The following RFX3 variants were observed in gnomAD, a reference collection of about 807,000 sequenced individuals.
RFX3 encodes transcription factor RFX3.
In RFX3, 14 loss-of-function variants were observed where a neutral mutation model predicts 98.6. The ratio of observed to expected loss-of-function variants is 0.14; its 90% CI spans 0.09 to 0.22. The LOEUF (loss-of-function observed/expected upper bound fraction) is 0.22, where lower values mean the gene tolerates loss of function less well. Among genes scored for constraint, RFX3 ranks in the 10% least tolerant of loss-of-function variants. The pLI is 1.00. For synonymous variants in RFX3, 383 were observed against 328.4 expected, an observed-to-expected ratio of 1.17 and a Z score of -1.80; for missense variants, 639 against 926.9, an observed-to-expected ratio of 0.69 and a Z score of 4.03.
intron 2 of RFX3, among the ~76,000 whole-genome samples, chr9:3,361,405 G>A (rs1032611419): frequency 1.3e-5 from 2 of 151,992 alleles, no homozygotes; most frequent in African/African-American, 2.4e-5. Flanking sequence ...TAGAAGGGAA[G>A]ACACAAGAAA....
chr9:3,295,344 G>C (rs1025952833), intron 5 of RFX3, among the ~76,000 whole-genome samples: 1 of 152,056 alleles, frequency 6.6e-6, no homozygotes, highest in Non-Finnish European at 1.5e-5. Flanking sequence ...GGAAGCACTT[G>C]AGTGATGTTA....
In RFX3 at chr9:3,225,161, C is replaced by G; in HGVS notation, c.2131G>C (p.Val711Leu). 1 of 1,613,968 alleles carries G rather than the reference C, an allele frequency of 6.2e-7. No homozygotes were observed. Among genetic ancestry groups the G allele is most frequent in the Non-Finnish European group, 8.5e-7 (1 of 1,179,952 alleles). ...QAFPVGCMQPVLETGVQPSLL... is the reference protein window; with the variant it reads ...QAFPVGCMQPLLETGVQPSLL... The stretch of plus-strand genomic sequence containing the variant: ...CTTGGTTGCACGCCAGTCTCGAGAA[C>G]AGGCTGCATGCAGCCCACTGGAAAT... Residue 711 changes from valine (V) to leucine (L), a missense_variant, in exon 17 of 17, where the codon GTT becomes CTT. Val to Leu is a conservative substitution (Grantham distance 32, BLOSUM62 1). Around this residue, in one of 9 missense-constraint regions of RFX3, gnomAD observed 129 missense variants for 124.6 expected, o/e 1.04. Coordinates refer to ENST00000617270, the MANE Select transcript of RFX3 (RefSeq NM_001282116.2).
chr9:3,434,610 C>T (rs527815579), intron 1 of RFX3, among the ~76,000 whole-genome samples: 2 of 152,014 alleles, frequency 1.3e-5, no homozygotes, highest in African/African-American at 2.4e-5. Flanking sequence ...TAGGAACATC[C>T]TTCCCTAATC....
intron 16 of RFX3, among the ~76,000 whole-genome samples, chr9:3,228,302 G>A (rs746194323): frequency 6.6e-5 from 10 of 152,080 alleles, no homozygotes; most frequent in Non-Finnish European, 1.0e-4. Context: ...TATATATCAT[G>A]TTATCATATT....
intron 3 of RFX3, among the ~76,000 whole-genome samples, chr9:3,331,934 C>G (rs1832649179): frequency 6.6e-6 from 1 of 152,084 alleles, no homozygotes; most frequent in Admixed American, 6.6e-5. Context: ...ATATGGGAGG[C>G]TGTGTAAAAT....
chr9:3,510,331 A>G (rs192465498), intron 1 of RFX3, among the ~76,000 whole-genome samples: 2 of 151,712 alleles, frequency 1.3e-5, no homozygotes, highest in Admixed American at 1.3e-4. Flanking sequence ...TGCCCCCCCC[A>G]AAAAAAGCAA....
chr9:3,451,249 T>C (rs975163846), intron 1 of RFX3, among the ~76,000 whole-genome samples: 4 of 152,180 alleles, frequency 2.6e-5, no homozygotes, highest in Non-Finnish European at 5.9e-5. Flanking sequence ...CATATTTATA[T>C]ATGTAAATGA....
chr9:3,233,088 G>T (rs1225827392), intron 15 of RFX3, among the ~76,000 whole-genome samples: 2 of 152,176 alleles, frequency 1.3e-5, no homozygotes, highest in Non-Finnish European at 2.9e-5. Flanking sequence ...ATTTCCTCTG[G>T]GTCCTGACTA....
chr9:3,510,465 T>C (rs964730842), intron 1 of RFX3, among the ~76,000 whole-genome samples: 1 of 152,046 alleles, frequency 6.6e-6, no homozygotes, highest in African/African-American at 2.4e-5. Flanking sequence ...ATTCCCACAC[T>C]GAAAATGGCT....
At chr9:3,525,314 C>G (rs900476410) in intron 1 of RFX3, among the ~76,000 whole-genome samples, 1 of 152,204 alleles carries the variant, frequency 6.6e-6, no homozygotes, top group Non-Finnish European at 1.5e-5. Context: ...AAGCAGGAAA[C>G]AGCAGCGTTG....
At chr9:3,425,839 TTTC>T (rs1843965237) in intron 1 of RFX3, among the ~76,000 whole-genome samples, 1 of 152,222 alleles carries the variant, frequency 6.6e-6, no homozygotes, top group African/African-American at 2.4e-5. Context: ...TTTCTTTAAT[TTTC>T]TTCTAAGTTA....
rs1563761846 is a variant in RFX3 at position 3,225,233 on chromosome 9, A to G, written c.2059T>C (p.Ser687Pro). Reference sequence around the variant, plus strand: ...TCTCTTTTGGCTTGAGGCTCTGAAGAGTCATCCAGTTCTTCATCCATTTCA... The same window carrying G: ...TCTCTTTTGGCTTGAGGCTCTGAAGGGTCATCCAGTTCTTCATCCATTTCA... The part of the protein sequence containing the change: ...ESEMDEELDD[S>P]SEPQAKREKT... Residue 687 changes from serine to proline, a missense_variant, in exon 17 of 17, where the codon TCT (serine) becomes CCT (proline). This residue lies in a region of RFX3 where 129 missense variants were observed against 124.6 expected (regional missense o/e 1.04). Transcript: ENST00000617270. The G allele has an allele frequency of 1.2e-6, 2 of 1,613,870 alleles. No homozygotes were observed. The highest frequency in any genetic ancestry group is 2.2e-5 in the South Asian group (2 of 91,084).
At chr9:3,506,667 T>C (rs1209827496) in intron 1 of RFX3, among the ~76,000 whole-genome samples, 2 of 151,846 alleles carry the variant, frequency 1.3e-5, no homozygotes, top group Non-Finnish European at 2.9e-5. Flanking sequence ...ATTATATCTA[T>C]ATATAGATAT....
At chr9:3,391,916 G>C (rs933287815) in intron 2 of RFX3, among the ~76,000 whole-genome samples, 6 of 152,090 alleles carry the variant, frequency 3.9e-5, no homozygotes, top group Non-Finnish European at 5.9e-5. Context: ...TACCAAGCAT[G>C]GGTAATACCA....
At chr9:3,377,793 T>C (rs1457486621) in intron 2 of RFX3, among the ~76,000 whole-genome samples, 1 of 152,188 alleles carries the variant, frequency 6.6e-6, no homozygotes, top group Non-Finnish European at 1.5e-5. Flanking sequence ...GTGATGTTTA[T>C]ACAGGTATAT....
intron 4 of RFX3, among the ~76,000 whole-genome samples, chr9:3,309,749 A>G (rs533893255): frequency 1.2e-4 from 19 of 152,336 alleles, no homozygotes; most frequent in African/African-American, 4.6e-4. Context: ...ATAAGGGAAC[A>G]TATTTTTCCT....
At chr9:3,293,988 A>G (rs778190674) in intron 5 of RFX3, among the ~76,000 whole-genome samples, 2 of 152,170 alleles carry the variant, frequency 1.3e-5, no homozygotes, top group Non-Finnish European at 2.9e-5. Flanking sequence ...TTGGTAACAC[A>G]ATACTTTTTC....
At chr9:3,305,942 T>C (rs976172124) in intron 4 of RFX3, among the ~76,000 whole-genome samples, 5 of 152,096 alleles carry the variant, frequency 3.3e-5, no homozygotes, top group African/African-American at 7.2e-5. Flanking sequence ...AAAACACTAA[T>C]CCCAAAGTGA....
Position 3,263,103 on chromosome 9 carries a change from A to G in RFX3, c.1456-19T>C, listed in dbSNP as rs2131220898. On this transcript the variant is annotated intron_variant, in intron 12 of 16. Coordinates refer to ENST00000617270, the MANE Select transcript of RFX3 (RefSeq NM_001282116.2). ...CGGCAACCTGTAACGCAATCCAATT[A>G]AGTTGGGATTCTGTTTCCTCCAGTA... is the stretch of plus-strand genomic sequence containing the variant. 2 of 1,609,572 alleles carry G rather than the reference A, an allele frequency of 1.2e-6. No individual in the cohort carries two copies. The highest frequency in any genetic ancestry group is 1.7e-6 in the Non-Finnish European group (2 of 1,177,752).
Sources: allele counts gnomAD v4.1 joint callset (sites outside exome capture counted in the v4.1 genomes callset), GRCh38; gene constraint gnomAD v4.1.1; regional missense constraint gnomAD v4.1.1; transcripts MANE v1.5; gene names NCBI Gene and HGNC (gene_info 2026-07-23, HGNC 2026-07-21).